The following ZCWPW2 variants were observed in gnomAD, a reference collection of about 807,000 sequenced individuals.
ZCWPW2 encodes zinc finger CW-type PWWP domain protein 2.
In ZCWPW2, 45 loss-of-function variants were observed where a neutral mutation model predicts 46.6. The ratio of observed to expected loss-of-function variants is 0.96; its 90% CI spans 0.76 to 1.24. The LOEUF is 1.24. Among genes scored for constraint, ZCWPW2 ranks in the 50% most tolerant of loss-of-function variants. The pLI is 0.00. For synonymous variants in ZCWPW2, 152 were observed against 137.1 expected, an observed-to-expected ratio of 1.11 and a Z score of -0.76; for missense variants, 429 against 403.9, an observed-to-expected ratio of 1.06 and a Z score of -0.53.
At chr3:28,351,888 C>T (rs1242971542) in intron 1 of ZCWPW2, among the ~76,000 whole-genome samples, 4 of 152,064 alleles carry the variant, frequency 2.6e-5, no homozygotes, top group East Asian at 3.9e-4. Flanking sequence ...GTCATTCCAT[C>T]GGTGTTGTTT....
chr3:28,525,350 A>C lies in ZCWPW2; in HGVS notation c.*662A>C, dbSNP rs1053345752. ...AGGAAGATGGAAAAATGTAATTTAA[A>C]GTGTATAGAGAGAAGTTAAACATAT... is the stretch of plus-strand genomic sequence containing the variant. On this transcript the variant is annotated 3_prime_UTR_variant, in exon 10 of 10. Coordinates refer to ENST00000383768, the MANE Select transcript of ZCWPW2 (RefSeq NM_001040432.4). 6.6e-6 allele frequency among the ~76,000 whole-genome samples: 1 copy of C among 152,156 alleles called. No homozygotes were observed. Among genetic ancestry groups the C allele is most frequent in the Non-Finnish European group, 1.5e-5 (1 of 68,016 alleles).
intron 4 of ZCWPW2, among the ~76,000 whole-genome samples, chr3:28,457,145 C>G (rs929789934): frequency 6.6e-6 from 1 of 152,096 alleles, no homozygotes; most frequent in African/African-American, 2.4e-5. Flanking sequence ...AATCCAGTAT[C>G]CCCAAATCCT....
chr3:28,445,825 A>C (rs1469564428), intron 4 of ZCWPW2, among the ~76,000 whole-genome samples: 1 of 152,148 alleles, frequency 6.6e-6, no homozygotes, highest in Admixed American at 6.6e-5. Flanking sequence ...AAATAGACTG[A>C]AAGTGAAAGA....
chr3:28,464,088 TTCTTTACCTCATG>T (rs1276708251), intron 4 of ZCWPW2, among the ~76,000 whole-genome samples: 11 of 152,192 alleles, frequency 7.2e-5, no homozygotes, highest in Admixed American at 3.3e-4. Context: ...ATGGCCATTT[TTCTTTACCTCATG>T]TGTAGTACAA....
chr3:28,468,309 A>G (rs1416136290), intron 4 of ZCWPW2, among the ~76,000 whole-genome samples: 1 of 152,120 alleles, frequency 6.6e-6, no homozygotes, highest in African/African-American at 2.4e-5. Flanking sequence ...CACACCTACG[A>G]TATCTAGAAA....
In ZCWPW2 at chr3:28,525,541, T is replaced by G. The variant is rs978511026; in HGVS notation, c.*853T>G. On this transcript the variant is annotated 3_prime_UTR_variant, in exon 10 of 10. Coordinates refer to ENST00000383768, the MANE Select transcript of ZCWPW2 (RefSeq NM_001040432.4). ...TGGTACGGGGTGGGGAAAAGGGCAT[T>G]CCAAGCACATAAAAACCAAAGCTTG... Among the ~76,000 whole-genome samples the G allele has an allele frequency of 3.3e-5, 5 of 151,970 alleles. No homozygotes were observed. The highest frequency in any genetic ancestry group is 1.2e-4 in the African/African-American group (5 of 41,370).
At chr3:28,350,805 A>G (rs751538476) in intron 1 of ZCWPW2, among the ~76,000 whole-genome samples, 3 of 151,898 alleles carry the variant, frequency 2.0e-5, no homozygotes, top group Non-Finnish European at 2.9e-5. Context: ...AGTCTTGATA[A>G]GGACATTTTA....
chr3:28,375,077 A>T (rs1477718268), intron 1 of ZCWPW2, among the ~76,000 whole-genome samples: 1 of 151,822 alleles, frequency 6.6e-6, no homozygotes, highest in Non-Finnish European at 1.5e-5. Flanking sequence ...TTATCATTAT[A>T]TAATGATCCT....
At chr3:28,480,868 T>C (rs1487504485) in intron 5 of ZCWPW2, among the ~76,000 whole-genome samples, 3 of 94,678 alleles carry the variant, frequency 3.2e-5, no homozygotes, top group Admixed American at 1.1e-4. Flanking sequence ...TTTTTTCTTT[T>C]TTTTTTTTTT....
chr3:28,468,789 C>T (rs961426206), intron 4 of ZCWPW2, among the ~76,000 whole-genome samples: 20 of 152,238 alleles, frequency 1.3e-4, no homozygotes, highest in Admixed American at 2.6e-4. Flanking sequence ...ATTTCCTCAA[C>T]ACCAGACCTG....
At chr3:28,413,429 G>A in intron 3 of ZCWPW2, 29 bp downstream of exon 3, 3 of 1,544,286 alleles carry the variant, frequency 1.9e-6, no homozygotes, top group Non-Finnish European at 2.6e-6. Context: ...TATGACTTTT[G>A]AAATGTAGTC....
chr3:28,401,178 A>C (rs1695913109), intron 2 of ZCWPW2, among the ~76,000 whole-genome samples: 3 of 146,840 alleles, frequency 2.0e-5, no homozygotes. Context: ...ACTCCATCTC[A>C]AAAAAAAAAC....
chr3:28,370,531 A>T (rs956880385), intron 1 of ZCWPW2, among the ~76,000 whole-genome samples: 1 of 152,212 alleles, frequency 6.6e-6, no homozygotes, highest in Non-Finnish European at 1.5e-5. Flanking sequence ...TAAAACTATT[A>T]GAAGTCATGA....
chr3:28,509,528 G>T (rs1367586086), intron 6 of ZCWPW2, among the ~76,000 whole-genome samples: 1 of 152,064 alleles, frequency 6.6e-6, no homozygotes, highest in Non-Finnish European at 1.5e-5. Context: ...AGCTATCCTA[G>T]TGGGTTGAAG....
At chr3:28,388,185 C>A (rs532396479) in intron 1 of ZCWPW2, among the ~76,000 whole-genome samples, 2 of 152,210 alleles carry the variant, frequency 1.3e-5, no homozygotes, top group South Asian at 4.1e-4. Context: ...TGGAAGACAA[C>A]CTGCTTGACT....
At chr3:28,423,920 TC>T (rs780845797) in intron 3 of ZCWPW2, among the ~76,000 whole-genome samples, 2 of 152,082 alleles carry the variant, frequency 1.3e-5, no homozygotes, top group Admixed American at 6.6e-5. Flanking sequence ...GCCCATTTGC[TC>T]CTATTTTGGT....
intron 2 of ZCWPW2, among the ~76,000 whole-genome samples, chr3:28,410,302 T>C (rs1696350129): frequency 6.6e-6 from 1 of 152,032 alleles, no homozygotes; most frequent in Admixed American, 6.6e-5. Flanking sequence ...ATATCAACCA[T>C]TTAGTATGGA....
chr3:28,361,688 A>G (rs971722562), intron 1 of ZCWPW2, among the ~76,000 whole-genome samples: 6 of 152,320 alleles, frequency 3.9e-5, no homozygotes, highest in African/African-American at 1.4e-4. Flanking sequence ...GTAATAGCAA[A>G]AAAAAACCTG....
At chr3:28,460,029 C>T (rs1698566534) in intron 4 of ZCWPW2, among the ~76,000 whole-genome samples, 1 of 152,118 alleles carries the variant, frequency 6.6e-6, no homozygotes. Context: ...TTCCTACCTC[C>T]CCAGCCCTAC....
Sources: gnomAD v4.1 joint callset for allele counts (sites outside exome capture counted in the v4.1 genomes callset) on GRCh38, gnomAD v4.1.1 for gene constraint, MANE v1.5 for transcripts, NCBI Gene and HGNC (gene_info 2026-07-23, HGNC 2026-07-21) for gene names.